The following LARP1 variants were observed in gnomAD, a reference collection of about 807,000 sequenced individuals.
LARP1 encodes the protein la-related protein 1.
LARP1 carries 36 observed loss-of-function variants against 122.7 expected under a neutral mutation model. That is an observed-to-expected ratio of 0.29 (90% CI 0.22 to 0.39). The LOEUF (loss-of-function observed/expected upper bound fraction) is 0.39. Ranked by LOEUF, LARP1 falls within the 10% of genes least tolerant of loss-of-function variation. The pLI is 1.00. For missense variants in LARP1, 1,040 were observed against 1,403.6 expected (o/e 0.74, Z 4.14); for synonymous variants, 539 against 528.7 (o/e 1.02, Z -0.27).
chr5:154,705,914 A>C (rs554750237), intron 1 of LARP1, among the ~76,000 whole-genome samples: 5 of 152,248 alleles, frequency 3.3e-5, no homozygotes, highest in African/African-American at 7.2e-5. Flanking sequence ...AGACATATAC[A>C]CTCACATGTT....
At chr5:154,796,179 A>G (rs2113801211) in intron 8 of LARP1, among the ~76,000 whole-genome samples, 1 of 129,716 alleles carries the variant, frequency 7.7e-6, no homozygotes, top group East Asian at 2.0e-4. Context: ...TATATATTAT[A>G]TATATATTTT....
intron 1 of LARP1, among the ~76,000 whole-genome samples, chr5:154,740,110 A>G (rs1757144603): frequency 1.4e-5 from 2 of 143,568 alleles, no homozygotes; most frequent in Non-Finnish European, 3.1e-5. Context: ...AAAAAAAAAT[A>G]GCTGGGCGCG....
chr5:154,685,694 G>A (rs1190987796), intron 1 of LARP1: 6 of 396,664 alleles, frequency 1.5e-5, no homozygotes, highest in Admixed American at 3.3e-5. Context: ...AAAAGGGGTC[G>A]GGCACAGTGG....
At chr5:154,731,811 C>T (rs1446494258) in intron 1 of LARP1, among the ~76,000 whole-genome samples, 1 of 152,020 alleles carries the variant, frequency 6.6e-6, no homozygotes, top group African/African-American at 2.4e-5. Context: ...GGGCAGATCA[C>T]GAGGTCAAGA....
At chr5:154,727,065 T>A (rs1329679733) in intron 1 of LARP1, among the ~76,000 whole-genome samples, 2 of 152,118 alleles carry the variant, frequency 1.3e-5, no homozygotes, top group Non-Finnish European at 2.9e-5. Flanking sequence ...ATATCAAAAG[T>A]ATTCAGCACA....
chr5:154,811,440 A>G, intron 17 of LARP1, 73 bp from the exon 18 acceptor site: 1 of 1,611,680 alleles, frequency 6.2e-7, no homozygotes, highest in Middle Eastern at 1.7e-4. Context: ...TCTGTGTATT[A>G]CACAACACCT....
chr5:154,798,896 G>A (rs1050910674), intron 8 of LARP1, among the ~76,000 whole-genome samples: 4 of 152,060 alleles, frequency 2.6e-5, no homozygotes, highest in South Asian at 2.1e-4. Flanking sequence ...ACGGAGTCTC[G>A]CCCTGTCGCC....
chr5:154,756,186 C>A lies in LARP1; in HGVS notation c.429C>A (p.Ser143=), dbSNP rs747795396. The A allele has an allele frequency of 5.2e-5, 67 of 1,300,494 alleles. 2 individuals carry two copies. The Admixed American group carries it at 1.5e-3, about 29-fold the overall frequency. 80.6% of individuals were successfully genotyped at this position (1,300,494 alleles called of 1,614,324 possible). ...PPVLTTVNGQ[S]PPEHSAPAKV... ...TCCTGACCACCGTGAACGGACAGTC[C>A]CCCCCAGGTGGGTCTCCCTCCTTGC... The change falls in exon 1 of 19, where the codon TCC becomes TCA. Residue 143 remains serine (S), a synonymous_variant. Transcript: ENST00000518297.
chr5:154,756,268 C>T, intron 1 of LARP1, 75 bp downstream of exon 1: 7 of 1,087,758 alleles, frequency 6.4e-6, no homozygotes, highest in Non-Finnish European at 8.0e-6. Flanking sequence ...CCCAGCACCT[C>T]CAGGGCCCCG....
intron 1 of LARP1, chr5:154,729,791 G>T: frequency 5.9e-6 from 1 of 170,040 alleles, no homozygotes; most frequent in Non-Finnish European, 1.2e-5. Context: ...GACAAAGCTG[G>T]GCATCCTGCC....
intron 18 of LARP1, among the ~76,000 whole-genome samples, chr5:154,812,201 G>A (rs904807845): frequency 2.0e-4 from 31 of 152,104 alleles, no homozygotes; most frequent in African/African-American, 6.8e-4. Context: ...TTCCTTCTGA[G>A]AGTTTATAAT....
chr5:154,711,872 G>A (rs79303343), upstream of LARP1, among the ~76,000 whole-genome samples: 8 of 152,190 alleles, frequency 5.3e-5, no homozygotes, highest in South Asian at 8.3e-4. Context: ...CCAATGTCTC[G>A]TTCCTTGTCA....
intron 1 of LARP1, among the ~76,000 whole-genome samples, chr5:154,734,888 C>A (rs1045927483): frequency 6.6e-6 from 1 of 152,098 alleles, no homozygotes; most frequent in Non-Finnish European, 1.5e-5. Flanking sequence ...AATTTGCTGA[C>A]TTTAGATATC....
At chr5:154,714,333 G>A (rs1025398096) in intron 1 of LARP1, among the ~76,000 whole-genome samples, 2 of 152,170 alleles carry the variant, frequency 1.3e-5, no homozygotes, top group Non-Finnish European at 2.9e-5. Flanking sequence ...TGATGGAATC[G>A]TGGCTGCTTG....
intron 9 of LARP1, 21 bp downstream of exon 9, chr5:154,799,780 A>G (rs75326307): frequency 0.083 from 134,671 of 1,613,744 alleles, 6,493 homozygotes; most frequent in Admixed American, 0.19. Context: ...GCTGGCATGA[A>G]GATTGCCCTT....
intron 1 of LARP1, among the ~76,000 whole-genome samples, chr5:154,770,157 T>G (rs1263409059): frequency 1.3e-5 from 2 of 151,612 alleles, no homozygotes; most frequent in Non-Finnish European, 2.9e-5. Flanking sequence ...AGGAGACTGC[T>G]TAGGAGACTA....
At chr5:154,688,688 T>TAG (rs1204242612) in intron 1 of LARP1, among the ~76,000 whole-genome samples, 2 of 142,856 alleles carry the variant, frequency 1.4e-5, no homozygotes, top group Admixed American at 7.0e-5. Context: ...TAGCTAGGGC[T>TAG]AGTGGCACAT....
At chr5:154,808,329 G>A in intron 15 of LARP1, 130 bp from the exon 16 acceptor site, 1 of 1,064,248 alleles carries the variant, frequency 9.4e-7, no homozygotes, top group Non-Finnish European at 1.3e-6. Context: ...ATGACTGAGT[G>A]GCAGATGATG....
intron 1 of LARP1, among the ~76,000 whole-genome samples, chr5:154,776,636 G>A (rs1755909709): frequency 6.6e-6 from 1 of 152,204 alleles, no homozygotes; most frequent in Non-Finnish European, 1.5e-5. Flanking sequence ...ACAACTGCAG[G>A]TGTTCAATTT....
Sources: allele counts gnomAD v4.1 joint callset (sites outside exome capture counted in the v4.1 genomes callset), GRCh38; gene constraint gnomAD v4.1.1; transcripts MANE v1.5; gene names NCBI Gene and HGNC (gene_info 2026-07-23, HGNC 2026-07-21).